Variants in SNX3 observed in about 807,000 individuals in gnomAD.
The protein encoded by SNX3 is sorting nexin 3.
Under a neutral mutation model 17.7 loss-of-function variants are expected in SNX3, and 5 were observed. The observed-to-expected ratio is 0.28, with a 90% CI of 0.15 to 0.59. The LOEUF is 0.59. Among genes scored for constraint, SNX3 ranks in the 20% least tolerant of loss-of-function variants. The pLI, the probability that SNX3 is intolerant of heterozygous loss-of-function variation, is 0.88. For synonymous variants in SNX3, 91 were observed against 76.5 expected, an observed-to-expected ratio of 1.19 and a Z score of -0.99; for missense variants, 132 against 206.8, an observed-to-expected ratio of 0.64 and a Z score of 2.22.
At chr6:108,223,384 C>T (rs973870533) in intron 1 of SNX3, among the ~76,000 whole-genome samples, 4 of 151,962 alleles carry the variant, frequency 2.6e-5, no homozygotes, top group South Asian at 2.1e-4. Context: ...GTGATCCGCC[C>T]GCCTCGGCCT....
chr6:108,222,204 C>T (rs1774805282), intron 2 of SNX3: 1 of 1,303,538 alleles, frequency 7.7e-7, no homozygotes, highest in South Asian at 1.2e-5. Context: ...TAGTTCAGGA[C>T]TCCTACCATA....
intron 2 of SNX3, chr6:108,222,336 C>T: frequency 7.7e-7 from 1 of 1,303,574 alleles, no homozygotes; most frequent in Non-Finnish European, 1.0e-6. Context: ...ATGAGAGACA[C>T]CAGAGTGAGA....
exon 1 of SNX3, chr6:108,261,038 GAGAA>G (rs1776192316): frequency 2.0e-6 from 2 of 1,017,578 alleles, no homozygotes; most frequent in African/African-American, 3.4e-5. Context: ...CGGTCGCGAA[GAGAA>G]CGAGCACGTA....
At chr6:108,214,729 G>T in intron 2 of SNX3, 107 bp from the exon 3 acceptor site, 1 of 1,190,108 alleles carries the variant, frequency 8.4e-7, no homozygotes, top group Non-Finnish European at 1.2e-6. Context: ...GCCATCGTCC[G>T]GTCAAACTAG....
chr6:108,217,581 C>T (rs959527882), intron 2 of SNX3, among the ~76,000 whole-genome samples: 3 of 151,884 alleles, frequency 2.0e-5, no homozygotes, highest in Non-Finnish European at 4.4e-5. Flanking sequence ...ATGGTGAAAC[C>T]CTGTGTCTAC....
intron 2 of SNX3, among the ~76,000 whole-genome samples, chr6:108,216,082 T>C (rs1253527044): frequency 6.6e-6 from 1 of 152,114 alleles, no homozygotes; most frequent in Non-Finnish European, 1.5e-5. Context: ...TCTTGTGCAT[T>C]CTTTTCTTTC....
At chr6:108,228,049 C>A (rs1775027023) in intron 1 of SNX3, among the ~76,000 whole-genome samples, 1 of 151,864 alleles carries the variant, frequency 6.6e-6, no homozygotes, top group Non-Finnish European at 1.5e-5. Context: ...GCAGACCTGG[C>A]CCTTATGAAA....
At chr6:108,224,761 A>G (rs1774925208) in intron 1 of SNX3, among the ~76,000 whole-genome samples, 1 of 152,188 alleles carries the variant, frequency 6.6e-6, no homozygotes, top group African/African-American at 2.4e-5. Context: ...ATTAAATCGT[A>G]CTCAGTAGAC....
intron 1 of SNX3, among the ~76,000 whole-genome samples, chr6:108,228,186 G>C (rs1775030080): frequency 6.6e-6 from 1 of 152,142 alleles, no homozygotes; most frequent in Non-Finnish European, 1.5e-5. Flanking sequence ...GCTGAGGTGG[G>C]AGGATCACAG....
In SNX3 at chr6:108,217,744, G is replaced by A. The variant is rs78260449; in HGVS notation, c.259-3122C>T. ...CCAGCCTGGGCGAGAGCTAGACACC[G>A]TCTCAAAAAAAAAAAAAAAAAATTC... is the stretch of plus-strand genomic sequence containing the variant. On this transcript the variant is annotated intron_variant, in intron 2 of 3. Transcript: ENST00000230085. Among the ~76,000 whole-genome samples, 917 of 142,850 alleles carry A rather than the reference G, an allele frequency of 6.4e-3. 9 individuals carry two copies. The highest frequency in any genetic ancestry group is 0.023 in the African/African-American group (878 of 38,202). The allele number at this position is 142,850 out of a possible 152,430, so 93.7% of individuals were successfully genotyped here. A position where few individuals can be genotyped will look rare whatever the true frequency, so the allele number is the denominator to read the frequency against.
chr6:108,212,663 A>C (rs1286181910), intron 3 of SNX3, among the ~76,000 whole-genome samples: 1 of 152,076 alleles, frequency 6.6e-6, no homozygotes, highest in East Asian at 1.9e-4. Context: ...TTTACCAATA[A>C]GTATTATTCT....
chr6:108,222,213 T>C (rs1204785153), intron 2 of SNX3: 5 of 1,303,904 alleles, frequency 3.8e-6, no homozygotes, highest in Non-Finnish European at 5.1e-6. Context: ...ACTCCTACCA[T>C]ACCCACACCT....
chr6:108,225,347 C>T (rs759083752), intron 1 of SNX3, among the ~76,000 whole-genome samples: 4 of 152,152 alleles, frequency 2.6e-5, no homozygotes, highest in African/African-American at 7.2e-5. Flanking sequence ...GCCTGTAATC[C>T]CAGCTCTTTG....
chr6:108,259,718 A>T (rs1776133242), intron 1 of SNX3, among the ~76,000 whole-genome samples: 2 of 152,364 alleles, frequency 1.3e-5, no homozygotes, highest in African/African-American at 2.4e-5. Flanking sequence ...ACACTTAAAA[A>T]TGGTTAGGAT....
chr6:108,223,446 G>C (rs947191124), intron 1 of SNX3, among the ~76,000 whole-genome samples: 1 of 143,088 alleles, frequency 7.0e-6, no homozygotes, highest in Admixed American at 6.9e-5. Context: ...CCGAAATCAT[G>C]ATGTTTTTAA....
intron 1 of SNX3, chr6:108,252,316 A>G: frequency 6.3e-6 from 1 of 157,580 alleles, no homozygotes; most frequent in Non-Finnish European, 1.4e-5. Flanking sequence ...AAACAAGAAG[A>G]GGAGCAGAAA....
intron 1 of SNX3, among the ~76,000 whole-genome samples, chr6:108,245,273 C>G (rs1775648563): frequency 6.6e-6 from 1 of 152,138 alleles, no homozygotes; most frequent in South Asian, 2.1e-4. Flanking sequence ...ATCCATGTCC[C>G]CGCAAAGGAC....
At chr6:108,228,594 A>AGATAAGGTG (rs1775043589) in intron 1 of SNX3, among the ~76,000 whole-genome samples, 1 of 151,966 alleles carries the variant, frequency 6.6e-6, no homozygotes, top group South Asian at 2.1e-4. Context: ...TGTAGTGGGA[A>AGATAAGGTG]GATAAGGTGT....
intron 1 of SNX3, among the ~76,000 whole-genome samples, chr6:108,234,162 C>A (rs1056833662): frequency 2.0e-5 from 3 of 152,050 alleles, no homozygotes. Flanking sequence ...ATTTATCACA[C>A]AGCTCTTTGA....
Sources: allele counts gnomAD v4.1 joint callset (sites outside exome capture counted in the v4.1 genomes callset), GRCh38; gene constraint gnomAD v4.1.1; transcripts MANE v1.5; gene names NCBI Gene and HGNC (gene_info 2026-07-23, HGNC 2026-07-21).